MLLT10: variants seen among roughly 807,000 people sequenced by gnomAD.
The protein encoded by MLLT10 is MLLT10 histone lysine methyltransferase DOT1L cofactor.
Under a neutral mutation model 129.1 loss-of-function variants are expected in MLLT10, and 30 were observed. That is an observed-to-expected ratio of 0.23 (90% CI 0.17 to 0.32). The LOEUF (loss-of-function observed/expected upper bound fraction) is 0.32. MLLT10 is among the 10% of genes least tolerant of loss of function. MLLT10 has a pLI of 1.00. For missense variants in MLLT10, 1,119 were observed against 1,268.3 expected (o/e 0.88, Z 1.79); for synonymous variants, 490 against 446.4 (o/e 1.10, Z -1.23).
At chr10:21,740,300 C>A in intron 22 of MLLT10, 64 bp downstream of exon 22, 6 of 1,536,036 alleles carry the variant, frequency 3.9e-6, no homozygotes, top group Admixed American at 3.6e-5. Flanking sequence ...CGGAGATGAT[C>A]ATTTTCCAGC....
chr10:21,642,482 C>T (rs924205224), intron 8 of MLLT10, among the ~76,000 whole-genome samples: 1 of 152,072 alleles, frequency 6.6e-6, no homozygotes, highest in East Asian at 1.9e-4. Context: ...CATGGTGAAA[C>T]CCCGTCTCTA....
chr10:21,578,455 G>T (rs990525262), intron 3 of MLLT10, among the ~76,000 whole-genome samples: 3 of 152,136 alleles, frequency 2.0e-5, no homozygotes, highest in Non-Finnish European at 2.9e-5. Flanking sequence ...TAGCAAAAAA[G>T]TCTGTAGGTT....
At chr10:21,537,103 G>C (rs916042451) in intron 2 of MLLT10, among the ~76,000 whole-genome samples, 4 of 151,948 alleles carry the variant, frequency 2.6e-5, no homozygotes, top group African/African-American at 9.7e-5. Context: ...TCGAACTTTT[G>C]AGCTCAAGGG....
chr10:21,651,900 T>TTTA, intron 9 of MLLT10, 132 bp downstream of exon 9: 3 of 411,818 alleles, frequency 7.3e-6, no homozygotes, highest in Non-Finnish European at 1.3e-5. Context: ...AGAATTCTCA[T>TTTA]TTCTTTTTTT....
intron 3 of MLLT10, among the ~76,000 whole-genome samples, chr10:21,574,590 TTA>T (rs1432422707): frequency 6.6e-6 from 1 of 152,190 alleles, no homozygotes; most frequent in African/African-American, 2.4e-5. Flanking sequence ...TTTCCCATTT[TTA>T]TGAGTATTTC....
In MLLT10 at chr10:21,651,715, C is replaced by T; in HGVS notation, c.742C>T (p.Gln248Ter). 6.2e-7 allele frequency: 1 copy of T among 1,613,240 alleles called. No individual in the cohort carries two copies. The highest frequency in any genetic ancestry group is 8.5e-7 in the Non-Finnish European group (1 of 1,179,552). Residue 248 changes from glutamine to a stop codon, truncating the protein, a stop_gained, in exon 9 of 23, where the codon CAG becomes TAG. Transcript: ENST00000307729. LOFTEE classifies it high-confidence loss of function. ...KDKHKQKHKK[Q>*]PEPSPALVPS... is the part of the protein sequence containing the mutation. ...CAAACACAAACAGAAACACAAGAAG[C>T]AGCCAGAACCATCACCTGCATTGGT...
In MLLT10 at chr10:21,655,439, T is replaced by C. The variant is rs549257092; in HGVS notation, c.795+3671T>C. 7.9e-5 allele frequency among the ~76,000 whole-genome samples: 12 copies of C among 152,360 alleles called. No homozygotes were observed. The South Asian group carries it at 1.0e-3, about 13-fold the overall frequency. The stretch of plus-strand genomic sequence containing the variant: ...ATTTGTAAACAAGCGGATGTGGCAG[T>C]GTTCCAGCAAAACTTTATTTATGGA... On this transcript the variant is annotated intron_variant, in intron 9 of 22. Transcript: ENST00000307729.
At chr10:21,687,020 T>C (rs1175392495) in intron 13 of MLLT10, among the ~76,000 whole-genome samples, 2 of 152,100 alleles carry the variant, frequency 1.3e-5, no homozygotes, top group Admixed American at 1.3e-4. Flanking sequence ...AAGAGCTTAC[T>C]TAGATCAGTT....
intron 8 of MLLT10, among the ~76,000 whole-genome samples, chr10:21,648,965 G>A (rs772710976): frequency 1.3e-5 from 2 of 152,092 alleles, no homozygotes; most frequent in African/African-American, 4.8e-5. Context: ...CTCCTACCAG[G>A]TCCCTCCCAT....
At position 21,677,495 on chromosome 10, in the gene MLLT10, A is replaced by G. The variant is rs566860658; in HGVS notation, c.1621+3576A>G. ...ACGTCATAGTATTTTCATATAACCT[A>G]TGCACATCTTCCTGTGTACTTAAAT... On this transcript the variant is annotated intron_variant, in intron 11 of 22. Coordinates refer to ENST00000307729, the MANE Select transcript of MLLT10 (RefSeq NM_001195626.3). 5.9e-5 allele frequency among the ~76,000 whole-genome samples: 9 copies of G among 152,310 alleles called. No individual in the cohort carries two copies. The South Asian group carries it at 1.9e-3, about 32-fold the overall frequency.
At chr10:21,548,461 C>T (rs981977974) in intron 3 of MLLT10, among the ~76,000 whole-genome samples, 8 of 151,716 alleles carry the variant, frequency 5.3e-5, no homozygotes, top group African/African-American at 1.9e-4. Flanking sequence ...GCTCCGCCTC[C>T]CGGGTTCACG....
chr10:21,725,712 C>G (rs1255459876), intron 14 of MLLT10, among the ~76,000 whole-genome samples: 3 of 62,216 alleles, frequency 4.8e-5, no homozygotes, highest in Non-Finnish European at 9.3e-5. Context: ...GAGTGAAACT[C>G]TTTCTCAAAA....
At position 21,743,627 on chromosome 10, in the gene MLLT10, A is replaced by G. The variant is rs997374631; in HGVS notation, c.*1644A>G. On this transcript the variant is annotated 3_prime_UTR_variant, in exon 23 of 23. Transcript: ENST00000307729. ...TTGTTAATAAAATTTAATAATGTTT[A>G]TAACTCCGTGCCATTCTCATTTGGA... is the stretch of plus-strand genomic sequence containing the variant. 1.8e-5 allele frequency: 3 copies of G among 170,136 alleles called. No individual in the cohort carries two copies. Among genetic ancestry groups the G allele is most frequent in the Admixed American group, 6.4e-5 (1 of 15,660 alleles). The allele number at this position is 170,136 out of a possible 1,614,324, so 10.5% of individuals were successfully genotyped here. A position where few individuals can be genotyped will look rare whatever the true frequency, so the allele number is the denominator to read the frequency against.
At chr10:21,652,806 G>A (rs1054959511) in intron 9 of MLLT10, among the ~76,000 whole-genome samples, 1 of 152,152 alleles carries the variant, frequency 6.6e-6, no homozygotes, top group Non-Finnish European at 1.5e-5. Flanking sequence ...AAGCAGGGAG[G>A]CCATTAGCAA....
chr10:21,713,536 T>G (rs912882915), intron 13 of MLLT10, among the ~76,000 whole-genome samples: 2 of 152,250 alleles, frequency 1.3e-5, no homozygotes, highest in African/African-American at 4.8e-5. Context: ...TGCTATCCCC[T>G]GCTTTTAACA....
At chr10:21,617,903 G>A (rs1182626273) in intron 8 of MLLT10, among the ~76,000 whole-genome samples, 1 of 152,112 alleles carries the variant, frequency 6.6e-6, no homozygotes, top group African/African-American at 2.4e-5. Context: ...GGCGCCTGTA[G>A]TCCCAACTAC....
In MLLT10 at chr10:21,682,213, C is replaced by T. The variant is rs2274726; in HGVS notation, c.1667-12C>T. On this transcript the variant is annotated splice_polypyrimidine_tract_variant and intron_variant, in intron 12 of 22. Coordinates refer to ENST00000307729, the MANE Select transcript of MLLT10 (RefSeq NM_001195626.3). ...GATCTTAACCTGAAGTCCTTTTTTC[C>T]TTACTTAAAAGCGTTCTCAGAGTTG... 85 of 1,603,548 alleles carry T rather than the reference C, an allele frequency of 5.3e-5. No individual in the cohort carries two copies. In the East Asian group the frequency reaches 1.9e-3, roughly 36 times the overall value.
At chr10:21,550,106 T>G (rs1048161721) in intron 3 of MLLT10, among the ~76,000 whole-genome samples, 1 of 152,256 alleles carries the variant, frequency 6.6e-6, no homozygotes, top group African/African-American at 2.4e-5. Flanking sequence ...AAGGAGAAAA[T>G]AGACTTGGAT....
intron 4 of MLLT10, among the ~76,000 whole-genome samples, chr10:21,587,671 G>T (rs1255346724): frequency 6.6e-6 from 1 of 152,206 alleles, no homozygotes; most frequent in South Asian, 2.1e-4. Flanking sequence ...TCCATTTTGG[G>T]TAGCCACTTC....
Sources: gnomAD v4.1 joint callset for allele counts (sites outside exome capture counted in the v4.1 genomes callset) on GRCh38, gnomAD v4.1.1 for gene constraint, MANE v1.5 for transcripts, NCBI Gene and HGNC (gene_info 2026-07-23, HGNC 2026-07-21) for gene names.